The following IGSF21 variants were observed in gnomAD, a reference collection of about 807,000 sequenced individuals.
IGSF21 encodes immunoglobulin superfamily member 21.
In IGSF21, 28 loss-of-function variants were observed where a neutral mutation model predicts 46.8. The observed-to-expected ratio is 0.60, with a 90% confidence interval of 0.44 to 0.82. The LOEUF is 0.82. IGSF21 is among the 40% of genes least tolerant of loss of function. The pLI is 0.00. For synonymous variants in IGSF21, 284 were observed against 273.6 expected (o/e 1.04, Z -0.38); for missense variants, 624 against 665.5 (o/e 0.94, Z 0.69).
At chr1:18,141,071 C>T (rs2086411571) in intron 1 of IGSF21, among the ~76,000 whole-genome samples, 2 of 152,198 alleles carry the variant, frequency 1.3e-5, no homozygotes, top group Non-Finnish European at 2.9e-5. Flanking sequence ...GCCTTCACAA[C>T]CTTTTCTCTT....
chr1:18,186,524 C>T (rs2086904608), intron 1 of IGSF21, among the ~76,000 whole-genome samples: 1 of 152,110 alleles, frequency 6.6e-6, no homozygotes, highest in African/African-American at 2.4e-5. Flanking sequence ...GCTGGAGAGC[C>T]CAGTGGCTCT....
At chr1:18,204,894 G>A (rs2087110662) in intron 1 of IGSF21, among the ~76,000 whole-genome samples, 1 of 152,144 alleles carries the variant, frequency 6.6e-6, no homozygotes, top group Non-Finnish European at 1.5e-5. Flanking sequence ...TACTCCATAG[G>A]TACAAATACC....
chr1:18,341,042 TTCC>T (rs771062135), intron 4 of IGSF21, among the ~76,000 whole-genome samples: 12 of 96,262 alleles, frequency 1.2e-4, no homozygotes, highest in East Asian at 3.4e-4. Flanking sequence ...CTTCTTCTTC[TTCC>T]TCTTCCTCTT....
intron 2 of IGSF21, among the ~76,000 whole-genome samples, chr1:18,250,922 G>T (rs531501230): frequency 6.6e-6 from 1 of 151,760 alleles, no homozygotes; most frequent in East Asian, 1.9e-4. Context: ...ATAATTTCAG[G>T]TGATGTGATA....
intron 1 of IGSF21, among the ~76,000 whole-genome samples, chr1:18,132,296 C>CCATA (rs1488336825): frequency 6.6e-6 from 1 of 152,118 alleles, no homozygotes; most frequent in African/African-American, 2.4e-5. Flanking sequence ...TATCTATGAC[C>CCATA]CATAGATTTG....
At chr1:18,203,395 G>A (rs1402376223) in intron 1 of IGSF21, among the ~76,000 whole-genome samples, 1 of 152,156 alleles carries the variant, frequency 6.6e-6, no homozygotes, top group Non-Finnish European at 1.5e-5. Flanking sequence ...TGTAGCCACC[G>A]CCATCCAGGT....
chr1:18,203,253 C>A (rs17435762), intron 1 of IGSF21, among the ~76,000 whole-genome samples: 1 of 151,996 alleles, frequency 6.6e-6, no homozygotes, highest in Non-Finnish European at 1.5e-5. Flanking sequence ...CTCCTCAAGT[C>A]TAGGGACATG....
chr1:18,368,788 G>A (rs1448144304), intron 6 of IGSF21, among the ~76,000 whole-genome samples: 1 of 152,292 alleles, frequency 6.6e-6, no homozygotes, highest in Non-Finnish European at 1.5e-5. Flanking sequence ...CAGCGGGGTG[G>A]CACCCTTGCC....
chr1:18,152,468 A>G (rs1161028813), intron 1 of IGSF21, among the ~76,000 whole-genome samples: 1 of 152,150 alleles, frequency 6.6e-6, no homozygotes, highest in Non-Finnish European at 1.5e-5. Flanking sequence ...CTCAGTTCCA[A>G]ACAGTCTTGA....
At chr1:18,305,213 T>C (rs2085407411) in intron 3 of IGSF21, among the ~76,000 whole-genome samples, 2 of 139,812 alleles carry the variant, frequency 1.4e-5, no homozygotes, top group South Asian at 4.6e-4. Flanking sequence ...GATGAATGGA[T>C]AATGGATGGA....
Position 18,135,350 on chromosome 1 carries a change from C to T in IGSF21, c.70+27152C>T, listed in dbSNP as rs576141409. On this transcript the variant is annotated intron_variant, in intron 1 of 9. Transcript: ENST00000251296. ...TATGTATACAGGGGCCATGCTGGTG[C>T]GCTGCACCCACTAACTTGTCATTTA... Among the ~76,000 whole-genome samples, 77 of 152,074 alleles carry T rather than the reference C, an allele frequency of 5.1e-4. 1 individual carries two copies. Among genetic ancestry groups the T allele is most frequent in the Middle Eastern group, 3.4e-3 (1 of 294 alleles).
intron 1 of IGSF21, among the ~76,000 whole-genome samples, chr1:18,145,763 C>T (rs892777099): frequency 4.6e-5 from 7 of 152,174 alleles, no homozygotes; most frequent in African/African-American, 1.4e-4. Flanking sequence ...GCGCAGGGCA[C>T]CTGCCGGCTG....
intron 1 of IGSF21, among the ~76,000 whole-genome samples, chr1:18,206,076 A>G (rs1049426008): frequency 3.3e-5 from 5 of 152,244 alleles, no homozygotes; most frequent in African/African-American, 9.6e-5. Flanking sequence ...TAAATTTTAA[A>G]TATGGTGTCA....
intron 1 of IGSF21, chr1:18,110,356 C>A (rs1286711720): frequency 6.6e-6 from 1 of 152,432 alleles, no homozygotes; most frequent in East Asian, 1.9e-4. Context: ...GGGCGGGGTG[C>A]GAGAAGAGTC....
chr1:18,321,641 T>C (rs2085602439), intron 3 of IGSF21, among the ~76,000 whole-genome samples: 1 of 152,196 alleles, frequency 6.6e-6, no homozygotes, highest in Non-Finnish European at 1.5e-5. Context: ...GGCTGTGTCC[T>C]CCCATGCTGG....
intron 2 of IGSF21, among the ~76,000 whole-genome samples, chr1:18,251,416 T>G (rs1159340162): frequency 2.0e-5 from 3 of 152,196 alleles, no homozygotes; most frequent in African/African-American, 7.2e-5. Flanking sequence ...GAAAGTTGGA[T>G]ATGAGTCTGG....
chr1:18,321,111 G>A (rs79542869), intron 3 of IGSF21, among the ~76,000 whole-genome samples: 3,701 of 152,272 alleles, frequency 0.024, 90 homozygotes, highest in African/African-American at 0.063. Flanking sequence ...TTTGGCGTCG[G>A]GGGCTCTGGC....
At chr1:18,137,532 C>T (rs774906791) in intron 1 of IGSF21, among the ~76,000 whole-genome samples, 7 of 152,110 alleles carry the variant, frequency 4.6e-5, no homozygotes, top group African/African-American at 7.2e-5. Flanking sequence ...CCCAAGATCC[C>T]GTGGCTGGTG....
chr1:18,300,263 A>G (rs887766428), intron 3 of IGSF21, among the ~76,000 whole-genome samples: 2 of 152,042 alleles, frequency 1.3e-5, no homozygotes, highest in Non-Finnish European at 2.9e-5. Context: ...TTCATTTGCT[A>G]AAAAGTCTTC....
Sources: gnomAD v4.1 joint callset for allele counts (sites outside exome capture counted in the v4.1 genomes callset) on GRCh38, gnomAD v4.1.1 for gene constraint, MANE v1.5 for transcripts, NCBI Gene and HGNC (gene_info 2026-07-23, HGNC 2026-07-21) for gene names.